The following BTBD9 variants were observed in gnomAD, a reference collection of about 807,000 sequenced individuals.
The protein encoded by BTBD9 is BTB/POZ domain-containing protein 9.
In BTBD9, 49 loss-of-function variants were observed where a neutral mutation model predicts 64.3. That is an observed-to-expected ratio of 0.76 (90% CI 0.61 to 0.97). The LOEUF is 0.97. Ranked by LOEUF, BTBD9 falls within the 50% of genes least tolerant of loss-of-function variation. The pLI is 0.00. For synonymous variants in BTBD9, 260 were observed against 274.7 expected (o/e 0.95, Z 0.53); for missense variants, 598 against 762.1 (o/e 0.78, Z 2.53).
At chr6:38,595,648 T>C in intron 2 of BTBD9, 1 of 291,940 alleles carries the variant, frequency 3.4e-6, no homozygotes, top group Non-Finnish European at 5.1e-6. Context: ...AGAGTAGGAC[T>C]AGCATTTCAG....
intron 6 of BTBD9, among the ~76,000 whole-genome samples, chr6:38,528,302 T>C (rs1289538898): frequency 6.6e-6 from 1 of 152,136 alleles, no homozygotes; most frequent in Admixed American, 6.5e-5. Context: ...TGCCACCACA[T>C]GCTAAAGTGT....
intron 9 of BTBD9, among the ~76,000 whole-genome samples, chr6:38,214,662 C>T (rs1762953397): frequency 6.6e-6 from 1 of 152,058 alleles, no homozygotes; most frequent in Non-Finnish European, 1.5e-5. Context: ...ACCAGCAACC[C>T]CAGAGATTCC....
At chr6:38,510,850 A>G (rs1330219974) in intron 6 of BTBD9, among the ~76,000 whole-genome samples, 2 of 152,172 alleles carry the variant, frequency 1.3e-5, no homozygotes, top group Admixed American at 1.3e-4. Flanking sequence ...ACGTGCATGG[A>G]GCTGTCATCT....
rs200620060 is a variant in BTBD9 at position 38,571,462 on chromosome 6, G to GA, written c.1154+6137dup. Among the ~76,000 whole-genome samples the GA allele has an allele frequency of 2.2e-3, 332 of 151,690 alleles. 6 individuals carry two copies. In the East Asian group the frequency reaches 0.036, roughly 17 times the overall value. On this transcript the variant is annotated intron_variant, in intron 6 of 10. Coordinates refer to ENST00000481247, the MANE Select transcript of BTBD9 (RefSeq NM_001099272.2). Reference sequence around the variant, plus strand: ...GTACTATAATCTAATGAGAATAGGTGAAAAAAAATTATGCTGTATCTATTG... The same window carrying GA: ...GTACTATAATCTAATGAGAATAGGTGAAAAAAAAATTATGCTGTATCTATTG...
intron 6 of BTBD9, among the ~76,000 whole-genome samples, chr6:38,494,026 C>G (rs1415695480): frequency 6.6e-6 from 1 of 152,184 alleles, no homozygotes; most frequent in Non-Finnish European, 1.5e-5. Flanking sequence ...TAAGTATGAA[C>G]TGATTTGGCA....
At chr6:38,244,704 C>G (rs1314424389) in intron 9 of BTBD9, among the ~76,000 whole-genome samples, 1 of 152,106 alleles carries the variant, frequency 6.6e-6, no homozygotes, top group Non-Finnish European at 1.5e-5. Flanking sequence ...AAGTGATAAA[C>G]TGTTACCAGG....
Position 38,280,939 on chromosome 6 carries a change from T to C in BTBD9, c.1454+7333A>G, listed in dbSNP as rs1761488880. ...ACTCACAGCACAGAGAAGCATACTATGCATTTGGAAACTGCTGCAAAGACT... is the reference window on the plus strand; with the variant it reads ...ACTCACAGCACAGAGAAGCATACTACGCATTTGGAAACTGCTGCAAAGACT... On this transcript the variant is annotated intron_variant, in intron 8 of 10. Coordinates refer to ENST00000481247, the MANE Select transcript of BTBD9 (RefSeq NM_001099272.2). 2.0e-5 allele frequency among the ~76,000 whole-genome samples: 3 copies of C among 152,222 alleles called. No individual in the cohort carries two copies. In the South Asian group the frequency reaches 6.2e-4, roughly 31 times the overall value.
At chr6:38,307,101 A>T (rs891957512) in intron 7 of BTBD9, among the ~76,000 whole-genome samples, 7 of 152,202 alleles carry the variant, frequency 4.6e-5, no homozygotes, top group African/African-American at 1.7e-4. Context: ...TTTTTAAAGG[A>T]GGAAACACAC....
chr6:38,528,463 T>C (rs1336421033), intron 6 of BTBD9, among the ~76,000 whole-genome samples: 3 of 152,068 alleles, frequency 2.0e-5, no homozygotes, highest in African/African-American at 7.2e-5. Flanking sequence ...CGGAAATGCT[T>C]GCAACACCCC....
intron 9 of BTBD9, among the ~76,000 whole-genome samples, chr6:38,229,538 T>A (rs1001237455): frequency 1.3e-5 from 2 of 152,182 alleles, no homozygotes; most frequent in African/African-American, 2.4e-5. Context: ...CCCAGGCGTG[T>A]CTTGACCAAC....
chr6:38,288,343 G>A lies in BTBD9; in HGVS notation c.1383C>T (p.Tyr461=), dbSNP rs1259750902. ...CACCACTTCCTAGCTGGTGACATGT[G>A]TAGCCAGAATCCCAGTCATAATTCT... ...DTKNYDWDSG[Y]TCHQLGSGAI... is the part of the protein sequence containing the mutation. Residue 461 remains tyrosine (Y), a synonymous_variant, in exon 8 of 11, where the codon TAC becomes TAT. Transcript: ENST00000481247. 6.2e-6 allele frequency: 10 copies of A among 1,614,046 alleles called. No homozygotes were observed. The highest frequency in any genetic ancestry group is 1.3e-5 in the African/African-American group (1 of 74,928).
intron 1 of BTBD9, among the ~76,000 whole-genome samples, chr6:38,598,477 T>C (rs1175074621): frequency 6.6e-6 from 1 of 152,184 alleles, no homozygotes; most frequent in African/African-American, 2.4e-5. Flanking sequence ...TACATAGATA[T>C]ATTGAGCAAG....
chr6:38,424,633 C>T (rs1178064933), intron 6 of BTBD9, among the ~76,000 whole-genome samples: 1 of 151,800 alleles, frequency 6.6e-6, no homozygotes, highest in Admixed American at 6.6e-5. Context: ...TCTCCTGCCT[C>T]AGCCTCCCAA....
chr6:38,390,388 G>A (rs1361613351), intron 6 of BTBD9, among the ~76,000 whole-genome samples: 1 of 152,148 alleles, frequency 6.6e-6, no homozygotes, highest in Non-Finnish European at 1.5e-5. Flanking sequence ...CCTAGCCCAT[G>A]TGTAAATTTT....
rs148646634 is a variant in BTBD9, at chr6:38,575,249, C to T, written c.1154+2351G>A. Among the ~76,000 whole-genome samples, 14 of 152,180 alleles carry T rather than the reference C, an allele frequency of 9.2e-5. No homozygotes were observed. In the East Asian group the frequency reaches 2.3e-3, roughly 25 times the overall value. ...TCTCTCTTCATTACATAGTCATTGC[C>T]TTGACACCATGAAACCTGTGCTAAC... On this transcript the variant is annotated intron_variant, in intron 6 of 10. Transcript: ENST00000481247.
At chr6:38,622,938 C>T (rs533365706) in intron 1 of BTBD9, among the ~76,000 whole-genome samples, 7 of 152,278 alleles carry the variant, frequency 4.6e-5, no homozygotes, top group South Asian at 2.1e-4. Flanking sequence ...CTTCTCATCC[C>T]GTCTTTCAAT....
At chr6:38,438,930 A>T (rs923954482) in intron 6 of BTBD9, among the ~76,000 whole-genome samples, 1 of 152,124 alleles carries the variant, frequency 6.6e-6, no homozygotes, top group Non-Finnish European at 1.5e-5. Context: ...ATATCTGAAG[A>T]AAAAAGCTGC....
At chr6:38,414,287 ATAAC>A (rs1210460378) in intron 6 of BTBD9, among the ~76,000 whole-genome samples, 1 of 152,202 alleles carries the variant, frequency 6.6e-6, no homozygotes, top group Non-Finnish European at 1.5e-5. Flanking sequence ...GAAGACATCC[ATAAC>A]TACTGGGGTC....
intron 10 of BTBD9, among the ~76,000 whole-genome samples, chr6:38,189,973 C>CTTTT (rs55886750): frequency 1.5e-5 from 2 of 135,504 alleles, no homozygotes; most frequent in Non-Finnish European, 1.6e-5. Flanking sequence ...CAGGCCCAGC[C>CTTTT]TTTTTTTTTT....
Sources: gnomAD v4.1 joint callset for allele counts (sites outside exome capture counted in the v4.1 genomes callset) on GRCh38, gnomAD v4.1.1 for gene constraint, MANE v1.5 for transcripts, NCBI Gene and HGNC (gene_info 2026-07-23, HGNC 2026-07-21) for gene names.